BAZ2B: variants seen among roughly 807,000 people sequenced by gnomAD.
BAZ2B encodes bromodomain adjacent to zinc finger domain protein 2B.
A neutral mutation model predicts 246.0 loss-of-function variants in BAZ2B; 91 were observed. The ratio of observed to expected loss-of-function variants is 0.37; its 90% confidence interval spans 0.31 to 0.44. The LOEUF (loss-of-function observed/expected upper bound fraction) is 0.44. Among genes scored for constraint, BAZ2B ranks in the 20% least tolerant of loss-of-function variants. The pLI, the probability that BAZ2B is intolerant of heterozygous loss-of-function variation, is 1.00. For missense variants in BAZ2B, 2,332 were observed against 2,533.7 expected (o/e 0.92, Z 1.71); for synonymous variants, 855 against 860.0 (o/e 0.99, Z 0.10).
intron 30 of BAZ2B, among the ~76,000 whole-genome samples, chr2:159,348,272 A>C (rs889093237): frequency 1.4e-5 from 2 of 142,768 alleles, no homozygotes; most frequent in Non-Finnish European, 3.0e-5. Flanking sequence ...GTCAGCTATG[A>C]CTGCACCACC....
At chr2:159,546,309 C>A (rs4665078) in intron 2 of BAZ2B, among the ~76,000 whole-genome samples, 48,141 of 151,250 alleles carry the variant, frequency 0.32, 9,612 homozygotes, top group Admixed American at 0.44. Context: ...GTTTTAAAAA[C>A]GGGAGTTTCC....
chr2:159,618,069 A>G (rs1359823519), upstream of BAZ2B, among the ~76,000 whole-genome samples: 7 of 152,230 alleles, frequency 4.6e-5, no homozygotes, highest in East Asian at 1.3e-3. Flanking sequence ...TTTCATTCTC[A>G]GGATTCACAT....
chr2:159,558,638 C>T (rs1451756596), intron 1 of BAZ2B, among the ~76,000 whole-genome samples: 1 of 151,982 alleles, frequency 6.6e-6, no homozygotes, highest in African/African-American at 2.4e-5. Flanking sequence ...AGACTGTGGG[C>T]AAGTTCACCA....
At chr2:159,483,504 C>T (rs972804676) in intron 2 of BAZ2B, among the ~76,000 whole-genome samples, 6 of 152,110 alleles carry the variant, frequency 3.9e-5, no homozygotes, top group South Asian at 2.1e-4. Context: ...AGGCTTGGCG[C>T]GGTGGCTCAC....
chr2:159,372,904 A>G, intron 27 of BAZ2B, 141 bp downstream of exon 27: 1 of 939,582 alleles, frequency 1.1e-6, no homozygotes, highest in Non-Finnish European at 1.5e-6. Flanking sequence ...GGGCATTATG[A>G]GTGCAAAAGG....
At chr2:159,351,331 A>G (rs2058542037) in intron 27 of BAZ2B, among the ~76,000 whole-genome samples, 2 of 152,206 alleles carry the variant, frequency 1.3e-5, no homozygotes, top group Admixed American at 1.3e-4. Context: ...TAATGGCAAC[A>G]GAATGAACTA....
chr2:159,533,751 C>T (rs13431621), intron 2 of BAZ2B, among the ~76,000 whole-genome samples: 72,462 of 151,974 alleles, frequency 0.48, 17,913 homozygotes, highest in Non-Finnish European at 0.55. Context: ...GCTTCAGCCA[C>T]TAGCTGGTCA....
chr2:159,391,907 T>C (rs1189152023), intron 20 of BAZ2B, among the ~76,000 whole-genome samples: 1 of 152,174 alleles, frequency 6.6e-6, no homozygotes, highest in Non-Finnish European at 1.5e-5. Flanking sequence ...GTCTCTCAAT[T>C]CAGCATGAAT....
chr2:159,475,568 C>T (rs1283266712), intron 3 of BAZ2B, among the ~76,000 whole-genome samples: 1 of 152,190 alleles, frequency 6.6e-6, no homozygotes, highest in Admixed American at 6.5e-5. Flanking sequence ...TCGTCAAACT[C>T]ATTCTTCATC....
chr2:159,348,319 C>CAAAAAA (rs541304274), intron 30 of BAZ2B, among the ~76,000 whole-genome samples: 2 of 27,158 alleles, frequency 7.4e-5, no homozygotes, highest in African/African-American at 1.8e-4. Context: ...GACTCTCTCA[C>CAAAAAA]AAAAAAAAAA....
At chr2:159,504,570 T>G (rs1346206219) in intron 2 of BAZ2B, among the ~76,000 whole-genome samples, 1 of 152,194 alleles carries the variant, frequency 6.6e-6, no homozygotes, top group Non-Finnish European at 1.5e-5. Flanking sequence ...CTTTTCCATA[T>G]TTATATCAAA....
the BAZ2B span, among the ~76,000 whole-genome samples, chr2:159,664,957 G>A: frequency 2.0e-5 from 3 of 151,582 alleles, no homozygotes; most frequent in Non-Finnish European, 2.9e-5. Flanking sequence ...TTGCCCCATC[G>A]TCTCAGCCCA....
rs1048609113 is a variant in BAZ2B, at chr2:159,329,922, C to A, written c.5943+2618G>T. ...GACCTACCAGGTGATACTCCCAAGA[C>A]CAAAAACACTAATCTGTTAGTAATT... On this transcript the variant is annotated intron_variant, in intron 34 of 36. Transcript: ENST00000392783. Among the ~76,000 whole-genome samples, 76 of 152,158 alleles carry A rather than the reference C, an allele frequency of 5.0e-4. 1 individual carries two copies. Among genetic ancestry groups the A allele is most frequent in the South Asian group, 8.3e-4 (4 of 4,814 alleles).
chr2:159,681,365 T>A, the BAZ2B span, among the ~76,000 whole-genome samples: 1 of 147,356 alleles, frequency 6.8e-6, no homozygotes, highest in Non-Finnish European at 1.5e-5. Context: ...CAAAAGAGGA[T>A]AATAAATTAT....
chr2:159,433,200 T>C lies in BAZ2B; in HGVS notation c.1457A>G (p.Asn486Ser), dbSNP rs775905961. The part of the protein sequence containing the change: ...ENNHPNPFLT[N>S]ALLGNHQPNG... ...TGGTTGGTGATTACCTAAAAGTGCA[T>C]TTGTCAAGAATGGATTTGGGTGGTT... is the stretch of plus-strand genomic sequence containing the variant. The change falls in exon 9 of 37, where the codon AAT becomes AGT. Residue 486 changes from asparagine to serine, a missense_variant. Coordinates refer to ENST00000392783, the MANE Select transcript of BAZ2B (RefSeq NM_013450.4). 1 of 1,614,200 alleles carries C rather than the reference T, an allele frequency of 6.2e-7. No homozygotes were observed. The highest frequency in any genetic ancestry group is 8.5e-7 in the Non-Finnish European group (1 of 1,180,022).
chr2:159,337,925 TAAG>T (rs1484978892), intron 31 of BAZ2B, among the ~76,000 whole-genome samples, 153 bp from the exon 32 acceptor site: 6 of 151,966 alleles, frequency 3.9e-5, no homozygotes, highest in Admixed American at 6.6e-5. Flanking sequence ...TAGGTGGAAA[TAAG>T]AAGAAAAAAA....
At chr2:159,490,444 C>G (rs2080324741) in intron 2 of BAZ2B, among the ~76,000 whole-genome samples, 1 of 152,118 alleles carries the variant, frequency 6.6e-6, no homozygotes, top group African/African-American at 2.4e-5. Flanking sequence ...TTCATATTAA[C>G]ATTTCACGTT....
the BAZ2B span, among the ~76,000 whole-genome samples, chr2:159,648,187 G>A: frequency 1.3e-5 from 2 of 152,082 alleles, no homozygotes; most frequent in South Asian, 4.2e-4. Flanking sequence ...ATCCAGGCTG[G>A]AATGCAGCAG....
chr2:159,353,262 A>G (rs1194146926), intron 27 of BAZ2B, among the ~76,000 whole-genome samples: 1 of 152,250 alleles, frequency 6.6e-6, no homozygotes, highest in African/African-American at 2.4e-5. Flanking sequence ...CTTCTGACCA[A>G]TATAGAGTAA....
Sources: gnomAD v4.1 joint callset for allele counts (sites outside exome capture counted in the v4.1 genomes callset) on GRCh38, gnomAD v4.1.1 for gene constraint, MANE v1.5 for transcripts, NCBI Gene and HGNC (gene_info 2026-07-23, HGNC 2026-07-21) for gene names.